Variants in MAML2 observed in about 807,000 individuals in gnomAD.
The protein encoded by MAML2 is mastermind-like protein 2.
Under a neutral mutation model 96.1 loss-of-function variants are expected in MAML2, and 22 were observed. The ratio of observed to expected loss-of-function variants is 0.23; its 90% CI spans 0.16 to 0.33. The LOEUF (loss-of-function observed/expected upper bound fraction) is 0.33. MAML2 is among the 10% of genes least tolerant of loss of function. The pLI is 1.00. For missense variants in MAML2, 1,367 were observed against 1,392.4 expected (o/e 0.98, Z 0.29); for synonymous variants, 561 against 521.3 (o/e 1.08, Z -1.04).
chr11:96,159,852 G>T (rs779049808), intron 1 of MAML2, among the ~76,000 whole-genome samples: 2 of 152,172 alleles, frequency 1.3e-5, no homozygotes, highest in African/African-American at 2.4e-5. Context: ...TCCTAGGTGA[G>T]GTGATACTGA....
In MAML2 at chr11:96,119,187, G is replaced by A. The variant is rs980142922; in HGVS notation, c.514-25670C>T. On this transcript the variant is annotated intron_variant, in intron 1 of 4. Coordinates refer to ENST00000524717, the MANE Select transcript of MAML2 (RefSeq NM_032427.4). ...AAAGACATTCATGCCTTAATCCCTG[G>A]GACCTGTGAATATGTGAACTTACAT... 2.0e-5 allele frequency among the ~76,000 whole-genome samples: 3 copies of A among 152,164 alleles called. No individual in the cohort carries two copies. The East Asian group carries it at 5.8e-4, about 29-fold the overall frequency.
chr11:96,214,273 T>G (rs761663206), intron 1 of MAML2, among the ~76,000 whole-genome samples: 1 of 152,246 alleles, frequency 6.6e-6, no homozygotes. Flanking sequence ...TCTGGTAAAC[T>G]GATATTGTGG....
chr11:95,995,646 G>A (rs776462752), intron 2 of MAML2, among the ~76,000 whole-genome samples: 25 of 152,118 alleles, frequency 1.6e-4, no homozygotes, highest in Non-Finnish European at 3.4e-4. Context: ...TGAGTCTTAT[G>A]AAGGAGCTCA....
chr11:96,270,017 T>C lies in MAML2; in HGVS notation c.513+71366A>G, dbSNP rs1862893065. 1.4e-5 allele frequency among the ~76,000 whole-genome samples: 2 copies of C among 143,486 alleles called. 1 individual carries two copies. 94.1% of individuals were successfully genotyped at this position (143,486 alleles called of 152,430 possible). On this transcript the variant is annotated intron_variant, in intron 1 of 4. Transcript: ENST00000524717. ...CAAATGTATGTCTTTAACCCAGACA[T>C]CTCCCCTGAACTCCAGTCATATACA...
chr11:96,122,277 C>G (rs1474982186), intron 1 of MAML2, among the ~76,000 whole-genome samples: 4 of 152,068 alleles, frequency 2.6e-5, no homozygotes, highest in African/African-American at 7.2e-5. Context: ...ACCTAATTCT[C>G]TACTAAAGGG....
intron 1 of MAML2, among the ~76,000 whole-genome samples, chr11:96,179,936 G>T (rs1331513294): frequency 6.6e-6 from 1 of 152,156 alleles, no homozygotes; most frequent in Non-Finnish European, 1.5e-5. Context: ...TAGCCACAAG[G>T]GCTCCAGACA....
rs201479661 is a variant in MAML2, at chr11:96,093,076, G to T, written c.955C>A (p.Pro319Thr). 155 of 1,613,978 alleles carry T rather than the reference G, an allele frequency of 9.6e-5. No individual in the cohort carries two copies. The highest frequency in any genetic ancestry group is 1.3e-4 in the Non-Finnish European group (150 of 1,179,884). Residue 319 changes from proline (P) to threonine (T), a missense_variant, in exon 2 of 5, where the codon CCT (proline) becomes ACT (threonine). Transcript: ENST00000524717. ...LFNELTNISV[P>T]PMSDLELENM... ...TCCAGTTCAAGGTCACTCATGGGAGGCACAGATATGTTGGTCAGTTCATTG... is the reference window on the plus strand; with the variant it reads ...TCCAGTTCAAGGTCACTCATGGGAGTCACAGATATGTTGGTCAGTTCATTG...
At chr11:96,016,594 C>A (rs775759646) in intron 2 of MAML2, among the ~76,000 whole-genome samples, 2 of 152,100 alleles carry the variant, frequency 1.3e-5, no homozygotes, top group South Asian at 2.1e-4. Flanking sequence ...AGGAGGAACA[C>A]TTTTTGTGGG....
rs35675097 is a variant in MAML2 at position 96,257,161 on chromosome 11, T to C, written c.513+84222A>G. 7.4e-3 allele frequency among the ~76,000 whole-genome samples: 1,128 copies of C among 152,376 alleles called. 12 individuals carry two copies. The highest frequency in any genetic ancestry group is 0.026 in the African/African-American group (1,072 of 41,588). ...ATTTTACAGTAGAGTTGTAGACAAA[T>C]GTTGCAATTTATTTAAGCTTTGTTT... On this transcript the variant is annotated intron_variant, in intron 1 of 4. Transcript: ENST00000524717.
intron 1 of MAML2, among the ~76,000 whole-genome samples, chr11:96,290,467 G>C (rs1440237384): frequency 1.3e-5 from 2 of 152,168 alleles, no homozygotes; most frequent in Non-Finnish European, 1.5e-5. Flanking sequence ...CCCATGGAAG[G>C]TCAATTGACA....
At chr11:96,309,696 ATT>A (rs36116461) in intron 1 of MAML2, among the ~76,000 whole-genome samples, 4 of 138,758 alleles carry the variant, frequency 2.9e-5, no homozygotes, top group Admixed American at 1.5e-4. Context: ...CAAAGGAACA[ATT>A]TTTTTTTTTT....
chr11:96,286,255 A>T (rs916280085), intron 1 of MAML2, among the ~76,000 whole-genome samples: 1 of 152,220 alleles, frequency 6.6e-6, no homozygotes, highest in Non-Finnish European at 1.5e-5. Flanking sequence ...TTTCTCACTT[A>T]TAAGTGGGAG....
chr11:96,313,098 C>T (rs940248895), intron 1 of MAML2, among the ~76,000 whole-genome samples: 19 of 152,184 alleles, frequency 1.2e-4, no homozygotes, highest in African/African-American at 3.9e-4. Flanking sequence ...AACTCAGTCT[C>T]ACAACCATCT....
chr11:95,985,568 T>C lies in MAML2; in HGVS notation c.2418A>G (p.Arg806=), dbSNP rs545386256. The part of the protein sequence containing the change: ...RPPPDYKDQR[R]NVGNMQPTAQ... ...CAGTTGGTTGCATATTGCCCACATT[T>C]CTTCTTTGGTCTTTATAATCTGGAG... The change falls in exon 4 of 5, where the codon AGA becomes AGG. Residue 806 remains arginine, a synonymous_variant. Coordinates refer to ENST00000524717, the MANE Select transcript of MAML2 (RefSeq NM_032427.4). The C allele has an allele frequency of 6.2e-7, 1 of 1,612,570 alleles. No homozygotes were observed. Among genetic ancestry groups the C allele is most frequent in the South Asian group, 1.1e-5 (1 of 90,868 alleles).
chr11:96,098,319 A>C (rs1435311673), intron 1 of MAML2, among the ~76,000 whole-genome samples: 1 of 152,234 alleles, frequency 6.6e-6, no homozygotes, highest in African/African-American at 2.4e-5. Flanking sequence ...CATCCCTGGC[A>C]TGAGGGAAAA....
intron 4 of MAML2, among the ~76,000 whole-genome samples, chr11:95,981,444 T>C (rs3016513): frequency 0.24 from 36,428 of 152,078 alleles, 6,771 homozygotes; most frequent in African/African-American, 0.52. Context: ...CAGAGCTAAA[T>C]ACACATAAGA....
intron 1 of MAML2, among the ~76,000 whole-genome samples, chr11:96,138,869 A>G (rs118110353): frequency 2.0e-5 from 3 of 152,284 alleles, no homozygotes; most frequent in African/African-American, 7.2e-5. Flanking sequence ...TATATAGACC[A>G]GTTTTCTAAA....
intron 2 of MAML2, among the ~76,000 whole-genome samples, chr11:96,079,116 T>C (rs1859494337): frequency 6.6e-6 from 1 of 152,184 alleles, no homozygotes; most frequent in African/African-American, 2.4e-5. Context: ...TATTTTCAGT[T>C]GTAACCAGAT....
chr11:96,045,354 C>T lies in MAML2; in HGVS notation c.2139+46538G>A, dbSNP rs546383071. Reference sequence around the variant, plus strand: ...TGAGGCTAAGAAGACCTGGGTGAACCCTAGTCCTGCCACTTCCTTTTTGTG... The same window carrying T: ...TGAGGCTAAGAAGACCTGGGTGAACTCTAGTCCTGCCACTTCCTTTTTGTG... On this transcript the variant is annotated intron_variant, in intron 2 of 4. Transcript: ENST00000524717. Among the ~76,000 whole-genome samples the T allele has an allele frequency of 1.1e-3, 164 of 152,252 alleles. 5 individuals are homozygous for T. In the South Asian group the frequency reaches 0.028, roughly 26 times the overall value.
Sources: allele counts gnomAD v4.1 joint callset (sites outside exome capture counted in the v4.1 genomes callset), GRCh38; gene constraint gnomAD v4.1.1; transcripts MANE v1.5; gene names NCBI Gene and HGNC (gene_info 2026-07-23, HGNC 2026-07-21).